The following PLAAT3 variants were observed in gnomAD, a reference collection of about 807,000 sequenced individuals.
The protein encoded by PLAAT3 is phospholipase A and acyltransferase 3, also known as Ca-independent phospholipase A1/2.
Under a neutral mutation model 16.7 loss-of-function variants are expected in PLAAT3, and 21 were observed. That is an observed-to-expected ratio of 1.26 (90% confidence interval 0.89 to 1.81). The LOEUF is 1.81. Among genes scored for constraint, PLAAT3 ranks in the 40% most tolerant of loss-of-function variants. PLAAT3 has a pLI of 0.00. For synonymous variants in PLAAT3, 76 were observed against 81.7 expected, an observed-to-expected ratio of 0.93 and a Z score of 0.38; for missense variants, 219 against 213.7, an observed-to-expected ratio of 1.02 and a Z score of -0.16.
At chr11:63,612,617 A>G (rs1214400780) in intron 2 of PLAAT3, among the ~76,000 whole-genome samples, 2 of 152,242 alleles carry the variant, frequency 1.3e-5, no homozygotes, top group Non-Finnish European at 2.9e-5. Context: ...TGACAATGTC[A>G]TGGACAACTT....
Position 63,575,054 on chromosome 11 carries a change from AAAG to A in PLAAT3, c.388-11_388-9del. On this transcript the variant is annotated splice_polypyrimidine_tract_variant and intron_variant, in intron 4 of 4. Transcript: ENST00000415826. ...GATGATGACATCTCTGACCTGCAAC[AAAG>A]AAGAGGGTGGGTCACACTCTGTGTC... 4 of 1,588,426 alleles carry A rather than the reference AAAG, an allele frequency of 2.5e-6. No homozygotes were observed. The highest frequency in any genetic ancestry group is 2.6e-6 in the Non-Finnish European group (3 of 1,156,812).
chr11:63,603,043 A>C (rs544587505), intron 2 of PLAAT3, among the ~76,000 whole-genome samples: 1 of 152,346 alleles, frequency 6.6e-6, no homozygotes, highest in Admixed American at 6.5e-5. Flanking sequence ...CAGTGAGCTG[A>C]GATCACGCCA....
chr11:63,615,202 A>G (rs1404849854), upstream of PLAAT3, among the ~76,000 whole-genome samples: 2 of 93,966 alleles, frequency 2.1e-5, no homozygotes, highest in African/African-American at 7.1e-5. Flanking sequence ...GTGTGTATAT[A>G]TGTGTGTATA....
intron 4 of PLAAT3, among the ~76,000 whole-genome samples, chr11:63,587,118 G>C (rs1345127143): frequency 6.6e-6 from 1 of 152,114 alleles, no homozygotes; most frequent in East Asian, 1.9e-4. Flanking sequence ...AAAAACAAGA[G>C]AGAGAAGATA....
intron 2 of PLAAT3, among the ~76,000 whole-genome samples, chr11:63,613,547 G>A (rs536337424): frequency 6.6e-6 from 1 of 152,394 alleles, no homozygotes; most frequent in African/African-American, 2.4e-5. Context: ...CCCATCCTCT[G>A]AATCCCTCTG....
At chr11:63,614,130 G>T in intron 1 of PLAAT3, 62 bp from the exon 2 acceptor site, 1 of 1,422,824 alleles carries the variant, frequency 7.0e-7, no homozygotes. Flanking sequence ...CAGACCCCAC[G>T]GGACTGCGGC....
chr11:63,615,142 A>ATATATGTGTATATATGTGTGTG (rs1565259756), upstream of PLAAT3, among the ~76,000 whole-genome samples: 14 of 82,768 alleles, frequency 1.7e-4, 1 homozygote, highest in African/African-American at 5.6e-4. Flanking sequence ...GTATATGTGT[A>ATATATGTGTATATATGTGTGTG]TATGTGTGTA....
chr11:63,600,657 C>T (rs1938403440), intron 2 of PLAAT3, among the ~76,000 whole-genome samples: 1 of 151,622 alleles, frequency 6.6e-6, no homozygotes, highest in Non-Finnish European at 1.5e-5. Flanking sequence ...GGCTGGAGTG[C>T]AGTGGTGCGA....
chr11:63,580,255 G>A (rs376174321), intron 4 of PLAAT3, among the ~76,000 whole-genome samples: 1 of 152,174 alleles, frequency 6.6e-6, no homozygotes, highest in East Asian at 1.9e-4. Flanking sequence ...GCCCCAAAAG[G>A]TGTCCATGTC....
chr11:63,610,169 T>C (rs888668829), intron 2 of PLAAT3, among the ~76,000 whole-genome samples: 1 of 152,212 alleles, frequency 6.6e-6, no homozygotes, highest in African/African-American at 2.4e-5. Flanking sequence ...TGTGCTCCCA[T>C]GGCAAAACTG....
intron 2 of PLAAT3, among the ~76,000 whole-genome samples, chr11:63,606,138 C>T (rs1450792749): frequency 6.6e-6 from 1 of 152,134 alleles, no homozygotes. Flanking sequence ...TGGAGAACCC[C>T]TTCACCTTGG....
intron 4 of PLAAT3, among the ~76,000 whole-genome samples, chr11:63,582,322 G>A (rs896500097): frequency 1.3e-5 from 2 of 152,156 alleles, no homozygotes; most frequent in African/African-American, 4.8e-5. Context: ...ACAGCCAAGG[G>A]GAGTCCAGGA....
intron 2 of PLAAT3, among the ~76,000 whole-genome samples, chr11:63,606,849 G>C (rs954299310): frequency 1.3e-5 from 2 of 152,216 alleles, no homozygotes; most frequent in Non-Finnish European, 2.9e-5. Context: ...CGCAGCACCT[G>C]ACAGCGCTAC....
chr11:63,590,074 G>A, intron 4 of PLAAT3, 26 bp downstream of exon 4: 1 of 1,605,028 alleles, frequency 6.2e-7, no homozygotes, highest in Non-Finnish European at 8.5e-7. Flanking sequence ...GGTTCCTGGG[G>A]AAGGCGACAC....
intron 4 of PLAAT3, among the ~76,000 whole-genome samples, chr11:63,587,543 T>G (rs997229875): frequency 6.6e-6 from 1 of 151,756 alleles, no homozygotes; most frequent in East Asian, 1.9e-4. Context: ...TTGTTTGTTT[T>G]TTGTTTCTTG....
intron 3 of PLAAT3, among the ~76,000 whole-genome samples, chr11:63,590,621 G>T (rs1365878748): frequency 2.0e-5 from 3 of 152,198 alleles, no homozygotes; most frequent in Non-Finnish European, 4.4e-5. Flanking sequence ...AGAGAAGGTG[G>T]TCTTCTATAC....
At chr11:63,598,476 C>A (rs1938349293) in intron 2 of PLAAT3, among the ~76,000 whole-genome samples, 2 of 152,228 alleles carry the variant, frequency 1.3e-5, no homozygotes, top group African/African-American at 4.8e-5. Flanking sequence ...CTGAGCCAAG[C>A]ACTCCACTCT....
At chr11:63,606,425 A>AACACACACACACAC (rs34044017) in intron 2 of PLAAT3, among the ~76,000 whole-genome samples, 4,096 of 140,110 alleles carry the variant, frequency 0.029, 85 homozygotes, top group Non-Finnish European at 0.044. Context: ...TCTACTATAA[A>AACACACACACACAC]ACACACACAC....
upstream of PLAAT3, chr11:63,616,756 G>C (rs1018677286): frequency 6.6e-6 from 1 of 152,022 alleles, no homozygotes; most frequent in Non-Finnish European, 1.5e-5. Context: ...GGCCGAGGCG[G>C]GTGGATCACG....
Sources: allele counts gnomAD v4.1 joint callset (sites outside exome capture counted in the v4.1 genomes callset), GRCh38; gene constraint gnomAD v4.1.1; transcripts MANE v1.5; gene names NCBI Gene and HGNC (gene_info 2026-07-23, HGNC 2026-07-21).